The following ISM1 variants were observed in gnomAD, a reference collection of about 807,000 sequenced individuals.
ISM1 encodes the protein isthmin 1, also known as isthmin-1.
ISM1 carries 25 observed loss-of-function variants against 46.3 expected under a neutral mutation model. The observed-to-expected ratio is 0.54, with a 90% CI of 0.39 to 0.75. The LOEUF is 0.75. Among genes scored for constraint, ISM1 ranks in the 30% least tolerant of loss-of-function variants. The probability of loss-of-function intolerance (pLI) is 0.00; values close to 1 mark genes in which losing one functional copy is unlikely to be tolerated. For synonymous variants in ISM1, 255 were observed against 256.7 expected, an observed-to-expected ratio of 0.99 and a Z score of 0.06; for missense variants, 536 against 625.4, an observed-to-expected ratio of 0.86 and a Z score of 1.52.
intron 1 of ISM1, among the ~76,000 whole-genome samples, chr20:13,226,348 C>T (rs1217843549): frequency 2.6e-5 from 4 of 152,014 alleles, no homozygotes; most frequent in African/African-American, 9.7e-5. Flanking sequence ...AGTCAATAGC[C>T]ATTTGTGTTT....
chr20:13,229,496 A>G (rs1037581305), intron 1 of ISM1, among the ~76,000 whole-genome samples: 4 of 152,218 alleles, frequency 2.6e-5, no homozygotes, highest in Non-Finnish European at 4.4e-5. Context: ...TGTGTGTATC[A>G]GTAGATTTCT....
At chr20:13,254,794 C>T (rs1185546475) in intron 1 of ISM1, among the ~76,000 whole-genome samples, 1 of 152,246 alleles carries the variant, frequency 6.6e-6, no homozygotes. Context: ...TCTTCTCATC[C>T]TTCCACATCC....
intron 1 of ISM1, among the ~76,000 whole-genome samples, chr20:13,261,624 C>T (rs1236560829): frequency 1.3e-5 from 2 of 152,166 alleles, no homozygotes; most frequent in Non-Finnish European, 2.9e-5. Flanking sequence ...AAACTCCTGG[C>T]CCCAGTCCTT....
chr20:13,258,071 C>A (rs2123213040), intron 1 of ISM1, among the ~76,000 whole-genome samples: 1 of 152,242 alleles, frequency 6.6e-6, no homozygotes, highest in South Asian at 2.1e-4. Context: ...TGTATAGTGC[C>A]TGGAACGGGT....
chr20:13,225,913 T>C (rs2039519423), intron 1 of ISM1, among the ~76,000 whole-genome samples: 1 of 152,202 alleles, frequency 6.6e-6, no homozygotes, highest in South Asian at 2.1e-4. Flanking sequence ...AAAAGTCATC[T>C]GGAAGACAAA....
intron 1 of ISM1, among the ~76,000 whole-genome samples, chr20:13,253,103 T>C (rs2123198968): frequency 6.6e-6 from 1 of 152,324 alleles, no homozygotes; most frequent in African/African-American, 2.4e-5. Flanking sequence ...TGCTGCTCCA[T>C]TTGGGGTACT....
At chr20:13,263,347 C>A (rs2040008624) in intron 1 of ISM1, among the ~76,000 whole-genome samples, 1 of 152,048 alleles carries the variant, frequency 6.6e-6, no homozygotes, top group African/African-American at 2.4e-5. Context: ...CCACCACCCC[C>A]TGCTTCCACT....
At chr20:13,273,226 T>TTTTA (rs2040136207) in intron 2 of ISM1, among the ~76,000 whole-genome samples, 1 of 147,614 alleles carries the variant, frequency 6.8e-6, no homozygotes, top group South Asian at 2.1e-4. Flanking sequence ...TTTTATTTTA[T>TTTTA]TTTATTTTAT....
At chr20:13,275,609 A>C (rs1386525230) in intron 2 of ISM1, among the ~76,000 whole-genome samples, 2 of 152,192 alleles carry the variant, frequency 1.3e-5, no homozygotes, top group Non-Finnish European at 2.9e-5. Flanking sequence ...CTTGTCTATA[A>C]AATTGGAATG....
At position 13,253,923 on chromosome 20, in the gene ISM1, A is replaced by G. The variant is rs1031362008; in HGVS notation, c.139-16581A>G. Among the ~76,000 whole-genome samples the G allele has an allele frequency of 6.6e-5, 10 of 151,904 alleles. No homozygotes were observed. The South Asian group carries it at 2.1e-3, about 32-fold the overall frequency. On this transcript the variant is annotated intron_variant, in intron 1 of 5. Transcript: ENST00000262487. ...CACACACATAAAAACACACTTATAA[A>G]TGTGTATTTATGGGCCAGGCACAGT... is the stretch of plus-strand genomic sequence containing the variant.
chr20:13,297,427 CCT>C (rs2040417708), intron 5 of ISM1, among the ~76,000 whole-genome samples: 1 of 152,212 alleles, frequency 6.6e-6, no homozygotes. Context: ...TGCTCCCCTG[CCT>C]CTGTTTCCTG....
At chr20:13,319,536 G>A in the ISM1 span, among the ~76,000 whole-genome samples, 1 of 152,156 alleles carries the variant, frequency 6.6e-6, no homozygotes, top group Admixed American at 6.5e-5. Flanking sequence ...TCAGAGAAAA[G>A]AGAGAATGAA....
chr20:13,263,402 A>G (rs1349967048), intron 1 of ISM1, among the ~76,000 whole-genome samples: 1 of 152,064 alleles, frequency 6.6e-6, no homozygotes, highest in Non-Finnish European at 1.5e-5. Context: ...ACTAAGAACA[A>G]GTGTGCCCCT....
intron 1 of ISM1, among the ~76,000 whole-genome samples, chr20:13,232,365 T>C (rs1223296390): frequency 1.3e-5 from 2 of 152,248 alleles, no homozygotes; most frequent in Non-Finnish European, 1.5e-5. Flanking sequence ...TAGATTAGTG[T>C]TGGATTTCCT....
intron 4 of ISM1, among the ~76,000 whole-genome samples, chr20:13,289,467 T>C (rs1206981120): frequency 6.6e-6 from 1 of 152,198 alleles, no homozygotes; most frequent in Non-Finnish European, 1.5e-5. Flanking sequence ...ACTAAACTAA[T>C]TGCACACTTG....
intron 1 of ISM1, among the ~76,000 whole-genome samples, chr20:13,258,740 A>G (rs1191575526): frequency 6.6e-6 from 1 of 152,092 alleles, no homozygotes; most frequent in Non-Finnish European, 1.5e-5. Flanking sequence ...AGGGAATTGT[A>G]TCGGGGAAAA....
At chr20:13,306,564 C>CAAAAAAAAAAAAAAAAAAAAAAGAAA in the ISM1 span, among the ~76,000 whole-genome samples, 15 of 63,912 alleles carry the variant, frequency 2.3e-4, no homozygotes, top group African/African-American at 5.1e-4. Flanking sequence ...GGAGAAAGGA[C>CAAAAAAAAAAAAAAAAAAAAAAGAAA]AAAAAAAAAA....
At chr20:13,283,103 C>T (rs1044437484) in intron 3 of ISM1, among the ~76,000 whole-genome samples, 6 of 152,054 alleles carry the variant, frequency 3.9e-5, no homozygotes, top group South Asian at 2.1e-4. Flanking sequence ...TGCAGTGGTG[C>T]GATCATAGCT....
intron 5 of ISM1, among the ~76,000 whole-genome samples, chr20:13,292,967 C>T (rs931409921): frequency 2.6e-5 from 4 of 152,006 alleles, no homozygotes; most frequent in Non-Finnish European, 5.9e-5. Context: ...GAGGCTGAGG[C>T]GGGCAGATCA....
Sources: gnomAD v4.1 joint callset for allele counts (sites outside exome capture counted in the v4.1 genomes callset) on GRCh38, gnomAD v4.1.1 for gene constraint, MANE v1.5 for transcripts, NCBI Gene and HGNC (gene_info 2026-07-23, HGNC 2026-07-21) for gene names.